KPNA4: variants seen among roughly 807,000 people sequenced by gnomAD.
KPNA4 encodes the protein karyopherin subunit alpha 4.
Under a neutral mutation model 71.3 loss-of-function variants are expected in KPNA4, and 13 were observed. The observed-to-expected ratio is 0.18, with a 90% CI of 0.12 to 0.29. The LOEUF is 0.29. KPNA4 is among the 10% of genes least tolerant of loss of function. The pLI, the probability that KPNA4 is intolerant of heterozygous loss-of-function variation, is 1.00. For missense variants in KPNA4, 334 were observed against 603.2 expected, an observed-to-expected ratio of 0.55 and a Z score of 4.67; for synonymous variants, 189 against 195.2, an observed-to-expected ratio of 0.97 and a Z score of 0.26.
At chr3:160,517,668 G>A (rs915003001) in intron 11 of KPNA4, among the ~76,000 whole-genome samples, 5 of 152,060 alleles carry the variant, frequency 3.3e-5, no homozygotes, top group Admixed American at 6.5e-5. Flanking sequence ...TGGGTGTGAA[G>A]TAGTATCTCA....
chr3:160,523,751 T>A (rs962437919), intron 10 of KPNA4, among the ~76,000 whole-genome samples: 1 of 151,920 alleles, frequency 6.6e-6, no homozygotes, highest in African/African-American at 2.4e-5. Context: ...CTCGGGAGGC[T>A]GAGGCAGGAG....
rs776490692 is a variant in KPNA4 at position 160,525,945 on chromosome 3, A to G, written c.719T>C (p.Ile240Thr). The change falls in exon 9 of 17, where the codon ATT becomes ACT. Residue 240 changes from isoleucine to threonine, a missense_variant. Ile to Thr is a moderately conservative substitution (Grantham distance 89). Transcript: ENST00000334256. The stretch of plus-strand genomic sequence containing the variant: ...TTTTTTAAAAGTGTTTACCTCCTGA[A>G]TGGTTTCCATTGGTGGTGGTGGGTC... ...HKDPPPPMET[I>T]QEILPALCVL... The G allele has an allele frequency of 6.4e-7, 1 of 1,571,928 alleles. No homozygotes were observed. The highest frequency in any genetic ancestry group is 8.6e-7 in the Non-Finnish European group (1 of 1,162,766).
intron 13 of KPNA4, among the ~76,000 whole-genome samples, chr3:160,511,825 T>A (rs1193729790): frequency 6.6e-6 from 1 of 151,584 alleles, no homozygotes. Flanking sequence ...AAAAATAATG[T>A]ATATTGACAT....
chr3:160,556,646 C>T (rs1882128), intron 1 of KPNA4, among the ~76,000 whole-genome samples: 22,496 of 152,088 alleles, frequency 0.15, 2,140 homozygotes, highest in Non-Finnish European at 0.21. Context: ...TGGTATGCTC[C>T]AATGAGTGTT....
At chr3:160,544,754 GA>G (rs1721871667) in intron 1 of KPNA4, among the ~76,000 whole-genome samples, 1 of 152,124 alleles carries the variant, frequency 6.6e-6, no homozygotes, top group Non-Finnish European at 1.5e-5. Context: ...CTGCTTGAAG[GA>G]ATCTGATTTC....
At position 160,541,628 on chromosome 3, in the gene KPNA4, G is replaced by T. The variant is rs570682030; in HGVS notation, c.70-4788C>A. Among the ~76,000 whole-genome samples, 7 of 143,908 alleles carry T rather than the reference G, an allele frequency of 4.9e-5. No individual in the cohort carries two copies. The East Asian group carries it at 1.4e-3, about 29-fold the overall frequency. 94.4% of individuals were successfully genotyped at this position (143,908 alleles called of 152,430 possible). ...GAATTTTATGAGAGGTAATAAAGCG[G>T]TTTTTAAAAGTTATATACGCGCACA... On this transcript the variant is annotated intron_variant, in intron 1 of 16. Transcript: ENST00000334256.
At chr3:160,557,953 ATT>A in intron 1 of KPNA4, among the ~76,000 whole-genome samples, 1 of 152,332 alleles carries the variant, frequency 6.6e-6, no homozygotes, top group African/African-American at 2.4e-5. Context: ...AAGCAATAGG[ATT>A]ACAGGCATGA....
chr3:160,542,961 T>C (rs555028774), intron 1 of KPNA4, among the ~76,000 whole-genome samples: 3 of 152,350 alleles, frequency 2.0e-5, no homozygotes, highest in Non-Finnish European at 4.4e-5. Flanking sequence ...TGTTAGGTGT[T>C]AACTCCAAAG....
intron 1 of KPNA4, among the ~76,000 whole-genome samples, chr3:160,544,570 CA>C (rs1240660001): frequency 6.6e-6 from 1 of 152,040 alleles, no homozygotes; most frequent in Admixed American, 6.6e-5. Context: ...TCTCAAAAAA[CA>C]AAAAACTTTG....
At chr3:160,553,004 T>A (rs1039443751) in intron 1 of KPNA4, among the ~76,000 whole-genome samples, 4 of 152,074 alleles carry the variant, frequency 2.6e-5, no homozygotes, top group African/African-American at 9.7e-5. Flanking sequence ...TATTATTTTT[T>A]AAAAAACATG....
At position 160,554,568 on chromosome 3, in the gene KPNA4, G is replaced by C. The variant is rs145221205; in HGVS notation, c.69+10646C>G. Among the ~76,000 whole-genome samples the C allele has an allele frequency of 1.8e-4, 28 of 152,242 alleles. No individual in the cohort carries two copies. In the East Asian group the frequency reaches 4.0e-3, roughly 22 times the overall value. Reference sequence around the variant, plus strand: ...GCTAATGAGATGACTGGTGACTCGGGGGGGCCCTAGATAGTTTCAGGATGA... The same window carrying C: ...GCTAATGAGATGACTGGTGACTCGGCGGGGCCCTAGATAGTTTCAGGATGA... On this transcript the variant is annotated intron_variant, in intron 1 of 16. Transcript: ENST00000334256.
Position 160,530,949 on chromosome 3 carries a change from A to G in KPNA4, c.384-9T>C. On this transcript the variant is annotated splice_polypyrimidine_tract_variant and intron_variant, in intron 6 of 16. Coordinates refer to ENST00000334256, the MANE Select transcript of KPNA4 (RefSeq NM_002268.5). ...CAAACTGTAAAGAAGGACTACAAAAAAAAACAAGTATTTTTAAACAGCAGG... is the reference window on the plus strand; with the variant it reads ...CAAACTGTAAAGAAGGACTACAAAAGAAAACAAGTATTTTTAAACAGCAGG... 2 of 1,591,772 alleles carry G rather than the reference A, an allele frequency of 1.3e-6. No individual in the cohort carries two copies. Among genetic ancestry groups the G allele is most frequent in the Non-Finnish European group, 1.7e-6 (2 of 1,167,870 alleles).
At chr3:160,511,166 C>T (rs1439232734) in intron 13 of KPNA4, among the ~76,000 whole-genome samples, 1 of 151,728 alleles carries the variant, frequency 6.6e-6, no homozygotes, top group South Asian at 2.1e-4. Context: ...AGTGCAGTGG[C>T]GCAATCTTGG....
Position 160,497,562 on chromosome 3 carries a change from AGT to A in KPNA4, c.*4540_*4541del, listed in dbSNP as rs967925193. 3.7e-4 allele frequency: 57 copies of A among 152,342 alleles called. No individual in the cohort carries two copies. The highest frequency in any genetic ancestry group is 1.3e-3 in the African/African-American group (54 of 41,580). 9.4% of individuals were successfully genotyped at this position (152,342 alleles called of 1,614,324 possible). ...ATTAAAAAGTTTAGGGAAAACTTTA[AGT>A]GTTCAAAATGTCAAGTTTGTTAGGC... On this transcript the variant is annotated 3_prime_UTR_variant, in exon 17 of 17. Transcript: ENST00000334256.
rs1721055570 is a variant in KPNA4 at position 160,509,790 on chromosome 3, C to A, written c.1209+10G>T. Reference sequence around the variant, plus strand: ...GTTTTGAGAAATAAATTTTAAAAAGCTCAACTTACTTGATCTTTCCTTCCA... The same window carrying A: ...GTTTTGAGAAATAAATTTTAAAAAGATCAACTTACTTGATCTTTCCTTCCA... On this transcript the variant is annotated intron_variant, in intron 14 of 16. Coordinates refer to ENST00000334256, the MANE Select transcript of KPNA4 (RefSeq NM_002268.5). 1 of 1,549,166 alleles carries A rather than the reference C, an allele frequency of 6.5e-7. No individual in the cohort carries two copies. The highest frequency in any genetic ancestry group is 1.1e-5 in the South Asian group (1 of 89,450).
In KPNA4 at chr3:160,565,152, C is replaced by A. The variant is rs1577066721; in HGVS notation, c.69+62G>T. On this transcript the variant is annotated intron_variant, in intron 1 of 16. Transcript: ENST00000334256. Reference sequence around the variant, plus strand: ...CGCCCCTAATCCCCACACTCGGGGTCCCGGCGGAGACCGGCCCCAGGCCCA... The same window carrying A: ...CGCCCCTAATCCCCACACTCGGGGTACCGGCGGAGACCGGCCCCAGGCCCA... 12 of 1,400,296 alleles carry A rather than the reference C, an allele frequency of 8.6e-6. No individual in the cohort carries two copies. The East Asian group carries it at 2.7e-4, about 32-fold the overall frequency. 86.7% of individuals were successfully genotyped at this position (1,400,296 alleles called of 1,614,324 possible).
rs1210411569 is a variant in KPNA4 at position 160,505,199 on chromosome 3, T to TA, written c.1373-148dup. 1.3e-3 allele frequency: 549 copies of TA among 409,558 alleles called. 5 individuals carry two copies. The highest frequency in any genetic ancestry group is 5.2e-5 in the Non-Finnish European group (12 of 231,144). 25.4% of individuals were successfully genotyped at this position (409,558 alleles called of 1,614,324 possible). ...GGAATTTAAAGGTGAATCTTAAATA[T>TA]AAAAAAATTTTATGCACAAAGATAC... On this transcript the variant is annotated intron_variant, in intron 15 of 16. Coordinates refer to ENST00000334256, the MANE Select transcript of KPNA4 (RefSeq NM_002268.5).
intron 11 of KPNA4, among the ~76,000 whole-genome samples, chr3:160,519,239 A>G (rs1412796819): frequency 6.6e-6 from 1 of 152,176 alleles, no homozygotes; most frequent in African/African-American, 2.4e-5. Context: ...GTCTTCTTTA[A>G]TGTTTTCCAA....
At chr3:160,520,742 A>C (rs1250785473) in intron 11 of KPNA4, among the ~76,000 whole-genome samples, 1 of 152,200 alleles carries the variant, frequency 6.6e-6, no homozygotes. Context: ...GAGAAATTAA[A>C]AACAGCTCCA....
Sources: gnomAD v4.1 joint callset for allele counts (sites outside exome capture counted in the v4.1 genomes callset) on GRCh38, gnomAD v4.1.1 for gene constraint, MANE v1.5 for transcripts, NCBI Gene and HGNC (gene_info 2026-07-23, HGNC 2026-07-21) for gene names.